Variants in CSMD2 observed in about 807,000 individuals in gnomAD.
The protein encoded by CSMD2 is CUB and Sushi multiple domains 2.
Under a neutral mutation model 398.5 loss-of-function variants are expected in CSMD2, and 130 were observed. The ratio of observed to expected loss-of-function variants is 0.33; its 90% CI spans 0.28 to 0.38. CSMD2 has a LOEUF of 0.38. Ranked by LOEUF, CSMD2 falls within the 10% of genes least tolerant of loss-of-function variation. The probability of loss-of-function intolerance (pLI) is 1.00; values close to 1 mark genes in which losing one functional copy is unlikely to be tolerated. For synonymous variants in CSMD2, 1,828 were observed against 1,908.5 expected (o/e 0.96, Z 1.10); for missense variants, 3,829 against 4,764.9 (o/e 0.80, Z 5.78).
intron 25 of CSMD2, among the ~76,000 whole-genome samples, chr1:33,681,648 T>C (rs1195058001): frequency 6.6e-6 from 1 of 152,194 alleles, no homozygotes; most frequent in Non-Finnish European, 1.5e-5. Flanking sequence ...TGTAACATAT[T>C]ACAACAAACT....
intron 1 of CSMD2, among the ~76,000 whole-genome samples, chr1:34,145,704 C>G (rs1272117727): frequency 6.6e-6 from 1 of 152,066 alleles, no homozygotes; most frequent in Non-Finnish European, 1.5e-5. Flanking sequence ...TAGGTTGTGT[C>G]GAGGAACGGG....
At chr1:34,152,874 T>C (rs1294377122) in intron 1 of CSMD2, among the ~76,000 whole-genome samples, 2 of 152,276 alleles carry the variant, frequency 1.3e-5, no homozygotes, top group African/African-American at 2.4e-5. Context: ...CATTAAATGA[T>C]TAACTCCCCA....
chr1:34,028,091 G>A (rs888055656), intron 3 of CSMD2, among the ~76,000 whole-genome samples: 7 of 152,146 alleles, frequency 4.6e-5, no homozygotes, highest in Non-Finnish European at 1.0e-4. Context: ...GGTCGAGGCA[G>A]GCAGATCGCT....
chr1:33,571,665 A>G lies in CSMD2; in HGVS notation c.7824T>C (p.Phe2608=). Residue 2608 remains phenylalanine (F), a synonymous_variant, in exon 51 of 71, where the codon TTT becomes TTC. Transcript: ENST00000373381. ...GGGCCTGGAACTGATACTGTGTCTCAAAGATAAGCCTCCATCGGCCATGCT... is the reference window on the plus strand; with the variant it reads ...GGGCCTGGAACTGATACTGTGTCTCGAAGATAAGCCTCCATCGGCCATGCT... ...SVEHGRWRLI[F]ETQYQFQAQL... The G allele has an allele frequency of 6.3e-7, 1 of 1,582,166 alleles. No homozygotes were observed. Among genetic ancestry groups the G allele is most frequent in the South Asian group, 1.2e-5 (1 of 85,254 alleles).
intron 53 of CSMD2, among the ~76,000 whole-genome samples, chr1:33,565,228 G>A (rs1658945747): frequency 6.6e-6 from 1 of 152,140 alleles, no homozygotes; most frequent in African/African-American, 2.4e-5. Context: ...TGAATATACT[G>A]AAAACAAATC....
chr1:33,756,516 T>G (rs1649042139), intron 13 of CSMD2, among the ~76,000 whole-genome samples: 2 of 152,198 alleles, frequency 1.3e-5, no homozygotes. Flanking sequence ...GACTGTGGTC[T>G]GATGATAAGG....
At chr1:33,708,700 C>T (rs1343418608) in intron 22 of CSMD2, among the ~76,000 whole-genome samples, 2 of 151,834 alleles carry the variant, frequency 1.3e-5, no homozygotes, top group Non-Finnish European at 2.9e-5. Flanking sequence ...CTCCCTGGCT[C>T]AAGTGACCCT....
At chr1:33,532,792 C>T (rs1055237731) in intron 64 of CSMD2, among the ~76,000 whole-genome samples, 1 of 152,176 alleles carries the variant, frequency 6.6e-6, no homozygotes, top group Non-Finnish European at 1.5e-5. Context: ...AAAGCACTTT[C>T]CTCTGCCTGA....
intron 19 of CSMD2, 53 bp downstream of exon 19, chr1:33,724,144 T>C: frequency 1.5e-6 from 2 of 1,303,922 alleles, no homozygotes; most frequent in Admixed American, 1.7e-5. Flanking sequence ...CTGAGGAACT[T>C]GGGTCCCTGA....
intron 15 of CSMD2, among the ~76,000 whole-genome samples, chr1:33,736,069 C>T (rs920307269): frequency 3.9e-5 from 6 of 152,222 alleles, no homozygotes; most frequent in Admixed American, 6.5e-5. Flanking sequence ...AAATGCCCAT[C>T]GCTCTGAGAA....
intron 3 of CSMD2, among the ~76,000 whole-genome samples, chr1:34,019,731 T>TCC (rs1648621987): frequency 6.6e-6 from 1 of 152,114 alleles, no homozygotes; most frequent in African/African-American, 2.4e-5. Flanking sequence ...TCAGCGATGG[T>TCC]CCCCTTCTTG....
At chr1:34,088,700 A>C (rs180824149) in intron 2 of CSMD2, among the ~76,000 whole-genome samples, 3 of 152,242 alleles carry the variant, frequency 2.0e-5, no homozygotes, top group African/African-American at 7.2e-5. Context: ...CACCCTGTGC[A>C]TGAAAAATCA....
Position 34,165,050 on chromosome 1 carries a change from C to T in CSMD2, c.48G>A (p.Ala16=), listed in dbSNP as rs1214341931. The T allele has an allele frequency of 4.9e-6, 6 of 1,215,114 alleles. No homozygotes were observed. Among genetic ancestry groups the T allele is most frequent in the Non-Finnish European group, 6.1e-6 (6 of 977,292 alleles). 75.3% of individuals were successfully genotyped at this position (1,215,114 alleles called of 1,614,324 possible). A position where few individuals can be genotyped will look rare whatever the true frequency, so the allele number is the denominator to read the frequency against. The part of the protein sequence containing the change: ...GRELGRCGCP[A]GRARGETGIS... ...TCCCGGTTTCGCCGCGAGCCCTCCCCGCGGGGCAGCCGCAGCGCCCCAGCT... is the reference window on the plus strand; with the variant it reads ...TCCCGGTTTCGCCGCGAGCCCTCCCTGCGGGGCAGCCGCAGCGCCCCAGCT... Residue 16 remains alanine (A), a synonymous_variant, in exon 1 of 71, where the codon GCG becomes GCA. Transcript: ENST00000373381.
chr1:33,801,733 G>A (rs930197281), intron 10 of CSMD2, among the ~76,000 whole-genome samples: 8 of 152,188 alleles, frequency 5.3e-5, no homozygotes, highest in African/African-American at 1.9e-4. Context: ...GGGGTTGTTT[G>A]GACTGTCTCT....
At chr1:33,564,253 G>A (rs758780499) in intron 53 of CSMD2, among the ~76,000 whole-genome samples, 3 of 152,098 alleles carry the variant, frequency 2.0e-5, no homozygotes, top group East Asian at 1.9e-4. Context: ...GAGGTAAATC[G>A]ACCTACCTAG....
At chr1:33,927,759 C>A (rs980401737) in intron 4 of CSMD2, among the ~76,000 whole-genome samples, 2 of 152,140 alleles carry the variant, frequency 1.3e-5, no homozygotes, top group African/African-American at 4.8e-5. Flanking sequence ...AGGCATGAGA[C>A]GCTTCCTCCT....
chr1:34,150,075 C>CTTTTTTTTTTTTTTTTTTTTTT (rs201785327), intron 1 of CSMD2, among the ~76,000 whole-genome samples: 2 of 119,624 alleles, frequency 1.7e-5, no homozygotes, highest in African/African-American at 5.8e-5. Flanking sequence ...CATTTTTCTT[C>CTTTTTTTTTTTTTTTTTTTTTT]TTTCTTTTTT....
intron 2 of CSMD2, among the ~76,000 whole-genome samples, chr1:34,060,586 C>T (rs1440686099): frequency 6.6e-6 from 1 of 151,896 alleles, no homozygotes; most frequent in African/African-American, 2.4e-5. Context: ...TCATCTAGAG[C>T]CAGGATTGCT....
chr1:33,585,204 T>C (rs1318628575), intron 46 of CSMD2, among the ~76,000 whole-genome samples: 1 of 152,210 alleles, frequency 6.6e-6, no homozygotes, highest in East Asian at 1.9e-4. Flanking sequence ...AGATGTGCCT[T>C]TAGACAGGCT....
Sources: allele counts gnomAD v4.1 joint callset (sites outside exome capture counted in the v4.1 genomes callset), GRCh38; gene constraint gnomAD v4.1.1; transcripts MANE v1.5; gene names NCBI Gene and HGNC (gene_info 2026-07-23, HGNC 2026-07-21).